Variants in PBLD observed in about 807,000 individuals in gnomAD.
PBLD encodes phenazine biosynthesis like protein domain containing.
In PBLD, 26 loss-of-function variants were observed where a neutral mutation model predicts 31.3. The observed-to-expected ratio is 0.83, with a 90% confidence interval of 0.61 to 1.15. The LOEUF (loss-of-function observed/expected upper bound fraction) is 1.15. PBLD is among the 50% of genes most tolerant of loss of function. The pLI, the probability that PBLD is intolerant of heterozygous loss-of-function variation, is 0.00. For synonymous variants in PBLD, 114 were observed against 129.0 expected (o/e 0.88, Z 0.79); for missense variants, 307 against 351.7 (o/e 0.87, Z 1.02).
chr10:68,285,461 T>C, intron 8 of PBLD, 51 bp from the exon 9 acceptor site: 1 of 1,551,876 alleles, frequency 6.4e-7, no homozygotes, highest in Non-Finnish European at 8.7e-7. Context: ...ACAGAGGCGA[T>C]TTTGTGGTAA....
chr10:68,285,189 G>A, intron 9 of PBLD, 159 bp downstream of exon 9: 6 of 1,477,306 alleles, frequency 4.1e-6, no homozygotes, highest in Non-Finnish European at 5.4e-6. Context: ...GCTGTTTGGG[G>A]TGGAGGATCT....
chr10:68,327,702 T>C (rs964255725), intron 1 of PBLD, among the ~76,000 whole-genome samples: 1 of 147,236 alleles, frequency 6.8e-6, no homozygotes, highest in African/African-American at 2.5e-5. Context: ...AAAAATCACG[T>C]TGGGGGAAAT....
At chr10:68,296,570 C>T (rs1017633999) in intron 3 of PBLD, among the ~76,000 whole-genome samples, 2 of 152,230 alleles carry the variant, frequency 1.3e-5, no homozygotes, top group Non-Finnish European at 2.9e-5. Flanking sequence ...CCAAAACCCC[C>T]TTCCCCAAAT....
At chr10:68,319,778 G>A (rs1185207923) in intron 1 of PBLD, among the ~76,000 whole-genome samples, 2 of 151,550 alleles carry the variant, frequency 1.3e-5, no homozygotes, top group Non-Finnish European at 2.9e-5. Flanking sequence ...TTCTATAAGA[G>A]ACAAACTTTT....
At chr10:68,296,638 G>A (rs1426599231) in intron 3 of PBLD, among the ~76,000 whole-genome samples, 1 of 152,120 alleles carries the variant, frequency 6.6e-6, no homozygotes, top group African/African-American at 2.4e-5. Flanking sequence ...CAAATAATAA[G>A]GGGGCATTTT....
chr10:68,325,849 C>T (rs1463370581), intron 1 of PBLD, among the ~76,000 whole-genome samples: 2 of 152,178 alleles, frequency 1.3e-5, no homozygotes, highest in East Asian at 1.9e-4. Flanking sequence ...CTTCAGAAAG[C>T]TTTCTCTGAA....
intron 4 of PBLD, among the ~76,000 whole-genome samples, chr10:68,293,119 C>G (rs1298174556): frequency 6.6e-6 from 1 of 152,182 alleles, no homozygotes; most frequent in Non-Finnish European, 1.5e-5. Flanking sequence ...CCTTGGCTCC[C>G]AAAGTGTTGG....
Position 68,300,507 on chromosome 10 carries a change from A to T in PBLD, c.85-3522T>A, listed in dbSNP as rs1419030121. ...GGAGCACGGCAACACAACTAAGGGG[A>T]TTTGTTAGAAATGCAGAGTCCGAGG... On this transcript the variant is annotated intron_variant, in intron 2 of 9. Coordinates refer to ENST00000358769, the MANE Select transcript of PBLD (RefSeq NM_022129.4). 2.6e-5 allele frequency among the ~76,000 whole-genome samples: 4 copies of T among 152,158 alleles called. No individual in the cohort carries two copies. The East Asian group carries it at 7.7e-4, about 29-fold the overall frequency.
In PBLD at chr10:68,292,010, C is replaced by A. The variant is rs752941043; in HGVS notation, c.423G>T (p.Lys141Asn). The A allele has an allele frequency of 6.3e-7, 1 of 1,584,846 alleles. No individual in the cohort carries two copies. Among genetic ancestry groups the A allele is most frequent in the Non-Finnish European group, 8.7e-7 (1 of 1,153,472 alleles). Residue 141 changes from lysine to asparagine, a missense_variant and splice_region_variant, in exon 6 of 10, where the codon AAG (lysine) becomes AAT (asparagine). By Grantham distance (94) the Lys-to-Asn change is moderately conservative. Coordinates refer to ENST00000358769, the MANE Select transcript of PBLD (RefSeq NM_022129.4). ...QDFHEVEDLI[K>N]TAIGNTLVQD... ...CTCAGGTTTGATTCTTTTTACCAACCTTTATCAAGTCCTCTACTTCATGGA... is the reference window on the plus strand; with the variant it reads ...CTCAGGTTTGATTCTTTTTACCAACATTTATCAAGTCCTCTACTTCATGGA...
chr10:68,331,941 C>G (rs1261225612), intron 1 of PBLD: 1 of 152,362 alleles, frequency 6.6e-6, no homozygotes, highest in Non-Finnish European at 1.5e-5. Flanking sequence ...CGCGCAGGCG[C>G]GCTGCGTGCC....
chr10:68,288,906 G>A lies in PBLD; in HGVS notation c.512+25C>T, dbSNP rs2044321557. On this transcript the variant is annotated intron_variant, in intron 7 of 9. Coordinates refer to ENST00000358769, the MANE Select transcript of PBLD (RefSeq NM_022129.4). ...ATCTGGGTACTCAGCCCTCCCCAAA[G>A]TGCTGATGCAGCCAAAAATCTTACC... 7 of 1,603,364 alleles carry A rather than the reference G, an allele frequency of 4.4e-6. 1 individual carries two copies. The Admixed American group carries it at 5.0e-5, about 11-fold the overall frequency.
intron 4 of PBLD, among the ~76,000 whole-genome samples, chr10:68,294,037 A>G (rs1478247328): frequency 6.6e-6 from 1 of 152,190 alleles, no homozygotes; most frequent in African/African-American, 2.4e-5. Flanking sequence ...CCTATTTTTC[A>G]AGACTCAATT....
chr10:68,331,705 C>T (rs1356441736), intron 1 of PBLD: 1 of 152,308 alleles, frequency 6.6e-6, no homozygotes, highest in Non-Finnish European at 1.5e-5. Context: ...AGAATTTGTT[C>T]ACGGTGGGGG....
chr10:68,330,882 T>C (rs2045051041), intron 1 of PBLD, among the ~76,000 whole-genome samples: 1 of 151,822 alleles, frequency 6.6e-6, no homozygotes, highest in South Asian at 2.1e-4. Context: ...GAGACAAGAG[T>C]CTCCCTCGGT....
intron 1 of PBLD, chr10:68,332,367 C>G (rs980546539): frequency 1.3e-5 from 2 of 152,144 alleles, no homozygotes; most frequent in Admixed American, 1.3e-4. Flanking sequence ...TGCGCCTCCC[C>G]GACCATCTCC....
intron 1 of PBLD, among the ~76,000 whole-genome samples, chr10:68,328,849 T>C (rs1296041585): frequency 6.6e-6 from 1 of 152,198 alleles, no homozygotes; most frequent in African/African-American, 2.4e-5. Flanking sequence ...AAATAAAATG[T>C]ACATTTATGA....
At chr10:68,302,203 C>G (rs1218045241) in intron 2 of PBLD, among the ~76,000 whole-genome samples, 3 of 152,194 alleles carry the variant, frequency 2.0e-5, no homozygotes, top group Admixed American at 1.3e-4. Context: ...CTATGAATTC[C>G]CTTGCTTTAA....
intron 1 of PBLD, chr10:68,332,333 GC>G (rs1176738204): frequency 6.6e-6 from 1 of 152,196 alleles, no homozygotes; most frequent in Non-Finnish European, 1.5e-5. Context: ...CCGCTCGGAG[GC>G]CGCCGCTTGG....
intron 1 of PBLD, among the ~76,000 whole-genome samples, chr10:68,316,886 G>A (rs894309665): frequency 8.5e-5 from 13 of 152,114 alleles, no homozygotes; most frequent in South Asian, 2.1e-4. Flanking sequence ...AGTGGCGTGC[G>A]AATGTAGTCC....
Sources: gnomAD v4.1 joint callset for allele counts (sites outside exome capture counted in the v4.1 genomes callset) on GRCh38, gnomAD v4.1.1 for gene constraint, MANE v1.5 for transcripts, NCBI Gene and HGNC (gene_info 2026-07-23, HGNC 2026-07-21) for gene names.